DMXL1: variants seen among roughly 807,000 people sequenced by gnomAD.
The protein encoded by DMXL1 is dmX-like protein 1.
Under a neutral mutation model 319.2 loss-of-function variants are expected in DMXL1, and 99 were observed. The observed-to-expected ratio is 0.31, with a 90% CI of 0.26 to 0.37. The LOEUF is 0.37. DMXL1 is among the 10% of genes least tolerant of loss of function. The pLI is 1.00. For missense variants in DMXL1, 3,745 were observed against 3,595.6 expected (o/e 1.04, Z -1.06); for synonymous variants, 1,385 against 1,235.2 (o/e 1.12, Z -2.54).
intron 32 of DMXL1, among the ~76,000 whole-genome samples, chr5:119,200,480 T>C (rs1252690816): frequency 6.6e-6 from 1 of 152,214 alleles, no homozygotes. Context: ...ACTGTGTTTT[T>C]GTAGCATACA....
intron 13 of DMXL1, among the ~76,000 whole-genome samples, chr5:119,135,625 G>A (rs1371969573): frequency 6.6e-6 from 1 of 152,068 alleles, no homozygotes; most frequent in African/African-American, 2.4e-5. Context: ...GATCATGGGG[G>A]CAGTTCTCCC....
intron 21 of DMXL1, 115 bp downstream of exon 21, chr5:119,165,395 AGTT>A (rs1773208278): frequency 1.7e-6 from 1 of 590,176 alleles, no homozygotes; most frequent in Non-Finnish European, 2.9e-6. Flanking sequence ...GTAGATTCTT[AGTT>A]GTTTTATATT....
intron 1 of DMXL1, among the ~76,000 whole-genome samples, chr5:119,072,253 G>C (rs1001473052): frequency 6.6e-6 from 1 of 152,064 alleles, no homozygotes; most frequent in African/African-American, 2.4e-5. Context: ...GTAATCCCAG[G>C]TTAAGGTTGC....
At chr5:119,085,814 A>G (rs1318288794) in intron 1 of DMXL1, among the ~76,000 whole-genome samples, 2 of 152,110 alleles carry the variant, frequency 1.3e-5, no homozygotes, top group Non-Finnish European at 2.9e-5. Flanking sequence ...GACGTTAGCT[A>G]TGGGTTTTTC....
chr5:119,082,501 C>A (rs964605457), intron 1 of DMXL1, among the ~76,000 whole-genome samples: 1 of 152,068 alleles, frequency 6.6e-6, no homozygotes, highest in Admixed American at 6.6e-5. Context: ...TCGTGAACTC[C>A]TGGGCTCAAG....
chr5:119,189,919 A>T, intron 29 of DMXL1, 33 bp downstream of exon 29: 1 of 1,554,780 alleles, frequency 6.4e-7, no homozygotes, highest in Non-Finnish European at 8.8e-7. Flanking sequence ...CAATATTTTC[A>T]TAGTCAAATA....
Position 119,247,256 on chromosome 5 carries a change from T to C in DMXL1, c.*37T>C. 3 of 1,450,752 alleles carry C rather than the reference T, an allele frequency of 2.1e-6. No individual in the cohort carries two copies. Among genetic ancestry groups the C allele is most frequent in the Non-Finnish European group, 2.9e-6 (3 of 1,042,840 alleles). 89.9% of individuals were successfully genotyped at this position (1,450,752 alleles called of 1,614,324 possible). A position where few individuals can be genotyped will look rare whatever the true frequency, so the allele number is the denominator to read the frequency against. On this transcript the variant is annotated 3_prime_UTR_variant, in exon 44 of 44. Transcript: ENST00000539542. The stretch of plus-strand genomic sequence containing the variant: ...TAAGATGTACAATTTATTACCTATA[T>C]GGAAGTGGCCAACAGATATAATATA...
At chr5:119,117,415 T>G (rs954896923) in intron 7 of DMXL1, among the ~76,000 whole-genome samples, 19 of 152,150 alleles carry the variant, frequency 1.2e-4, no homozygotes, top group African/African-American at 4.3e-4. Flanking sequence ...AGCTTTTCAC[T>G]GTTCTATGAA....
intron 25 of DMXL1, among the ~76,000 whole-genome samples, chr5:119,173,776 GTATATATATATA>G (rs758312462): frequency 1.9e-4 from 13 of 67,172 alleles, no homozygotes; most frequent in East Asian, 9.1e-4. Flanking sequence ...ATGTGTGTGT[GTATATATATATA>G]TATATATATA....
intron 1 of DMXL1, among the ~76,000 whole-genome samples, chr5:119,092,357 C>G (rs1346121528): frequency 6.6e-6 from 1 of 151,748 alleles, no homozygotes; most frequent in Non-Finnish European, 1.5e-5. Flanking sequence ...TGGGCTCAAG[C>G]GATCTTTTCT....
At chr5:119,225,568 C>T (rs1393969701) in intron 38 of DMXL1, among the ~76,000 whole-genome samples, 2 of 151,970 alleles carry the variant, frequency 1.3e-5, no homozygotes, top group African/African-American at 4.8e-5. Flanking sequence ...CTATTAAAAA[C>T]TTTAGAAACT....
Position 119,113,355 on chromosome 5 carries a change from C to T in DMXL1, c.498-1120C>T, listed in dbSNP as rs1034248501. On this transcript the variant is annotated intron_variant, in intron 5 of 43. Transcript: ENST00000539542. The stretch of plus-strand genomic sequence containing the variant: ...CTCCTGGGTTCAAGCAATTCTCCTG[C>T]CTCAGCCTTCCAAGTAGCTGGGATT... Among the ~76,000 whole-genome samples the T allele has an allele frequency of 1.3e-5, 2 of 152,182 alleles. 1 individual carries two copies. The highest frequency in any genetic ancestry group is 4.1e-4 in the South Asian group (2 of 4,832).
intron 19 of DMXL1, among the ~76,000 whole-genome samples, chr5:119,158,683 T>C (rs985609387): frequency 1.3e-5 from 2 of 152,216 alleles, no homozygotes; most frequent in Non-Finnish European, 2.9e-5. Context: ...GGGAGAGTTT[T>C]TGTCATGAAA....
In DMXL1 at chr5:119,247,871, A is replaced by T. The variant is rs1461501245; in HGVS notation, c.*652A>T. Reference sequence around the variant, plus strand: ...TTGAACTTAGTTGTATATATTAGCGAAAACTGGTTTTTCATGTGTTTTTGT... The same window carrying T: ...TTGAACTTAGTTGTATATATTAGCGTAAACTGGTTTTTCATGTGTTTTTGT... On this transcript the variant is annotated 3_prime_UTR_variant, in exon 44 of 44. Coordinates refer to ENST00000539542, the MANE Select transcript of DMXL1 (RefSeq NM_001290321.3). The T allele has an allele frequency of 6.6e-6, 1 of 152,028 alleles. No homozygotes were observed. Among genetic ancestry groups the T allele is most frequent in the African/African-American group, 2.4e-5 (1 of 41,400 alleles). The allele number at this position is 152,028 out of a possible 1,614,324, so 9.4% of individuals were successfully genotyped here.
At chr5:119,199,193 T>C (rs1463507552) in intron 32 of DMXL1, among the ~76,000 whole-genome samples, 2 of 152,072 alleles carry the variant, frequency 1.3e-5, no homozygotes, top group African/African-American at 2.4e-5. Flanking sequence ...TGGCCCCCAG[T>C]AGTTATTTTT....
At chr5:119,127,274 C>T (rs748659357) in intron 9 of DMXL1, 2 of 223,486 alleles carry the variant, frequency 8.9e-6, no homozygotes, top group African/African-American at 4.6e-5. Flanking sequence ...ATACTGCCTT[C>T]CTCTGACTCT....
chr5:119,118,734 G>A lies in DMXL1; in HGVS notation c.744-81G>A, dbSNP rs1761388196. The A allele has an allele frequency of 4.7e-6, 5 of 1,074,554 alleles. No homozygotes were observed. In the African/African-American group the frequency reaches 6.4e-5, roughly 14 times the overall value. 66.6% of individuals were successfully genotyped at this position (1,074,554 alleles called of 1,614,324 possible). ...TTGGTACCTTAGTTGGTACATTTAA[G>A]TAATTACAGAAACATCGTAGAATTT... On this transcript the variant is annotated intron_variant, in intron 7 of 43. Coordinates refer to ENST00000539542, the MANE Select transcript of DMXL1 (RefSeq NM_001290321.3).
intron 19 of DMXL1, among the ~76,000 whole-genome samples, chr5:119,158,710 C>T (rs1337103998): frequency 1.3e-5 from 2 of 152,274 alleles, no homozygotes; most frequent in Admixed American, 1.3e-4. Context: ...CGAATTTTAT[C>T]AGATGCTTTT....
chr5:119,082,517 C>T (rs926037940), intron 1 of DMXL1, among the ~76,000 whole-genome samples: 2 of 152,096 alleles, frequency 1.3e-5, no homozygotes, highest in African/African-American at 4.8e-5. Flanking sequence ...TCAAGCAATC[C>T]TCCCACATTG....
Sources: allele counts gnomAD v4.1 joint callset (sites outside exome capture counted in the v4.1 genomes callset), GRCh38; gene constraint gnomAD v4.1.1; transcripts MANE v1.5; gene names NCBI Gene and HGNC (gene_info 2026-07-23, HGNC 2026-07-21).